LRP6: variants seen among roughly 807,000 people sequenced by gnomAD.
LRP6 encodes the protein LDL receptor related protein 6.
LRP6 carries 43 observed loss-of-function variants against 184.1 expected under a neutral mutation model. That is an observed-to-expected ratio of 0.23 (90% CI 0.18 to 0.30). The LOEUF is 0.30. LRP6 is among the 10% of genes least tolerant of loss of function. The pLI is 1.00. For missense variants in LRP6, 1,571 were observed against 2,005.3 expected, an observed-to-expected ratio of 0.78 and a Z score of 4.14; for synonymous variants, 719 against 684.9, an observed-to-expected ratio of 1.05 and a Z score of -0.78.
chr12:12,174,340 G>C (rs1048049879), intron 7 of LRP6, among the ~76,000 whole-genome samples: 7 of 152,098 alleles, frequency 4.6e-5, no homozygotes, highest in Non-Finnish European at 8.8e-5. Context: ...TCGAACTCCT[G>C]GCCTCCAGTG....
At chr12:12,241,756 T>C (rs972390289) in intron 2 of LRP6, among the ~76,000 whole-genome samples, 1 of 152,206 alleles carries the variant, frequency 6.6e-6, no homozygotes, top group African/African-American at 2.4e-5. Context: ...GAAAGAGTTA[T>C]TCTTCACTGA....
chr12:12,163,126 C>A (rs536643039), intron 9 of LRP6, among the ~76,000 whole-genome samples: 82 of 152,106 alleles, frequency 5.4e-4, no homozygotes, highest in African/African-American at 1.9e-3. Context: ...CAGGTATGCG[C>A]CACCATGACC....
At chr12:12,155,328 G>T in intron 12 of LRP6, 1 of 758,282 alleles carries the variant, frequency 1.3e-6, no homozygotes, top group Admixed American at 1.7e-5. Context: ...TAGAAAGCAT[G>T]GAGTTGTTCC....
chr12:12,202,712 C>T (rs557735367), intron 3 of LRP6, among the ~76,000 whole-genome samples: 121 of 152,252 alleles, frequency 7.9e-4, no homozygotes, highest in African/African-American at 2.3e-3. Context: ...GGCCAAACCC[C>T]GTCCTAGTGT....
chr12:12,164,919 TAAAAAAAAAAAAAAAAAA>T (rs58540250), intron 8 of LRP6, among the ~76,000 whole-genome samples, 142 bp downstream of exon 8: 5 of 57,076 alleles, frequency 8.8e-5, no homozygotes, highest in Non-Finnish European at 1.8e-4. Context: ...CCCTTCTCAG[TAAAAAAAAAAAAAAAAAA>T]AAAAAAAAAA....
intron 2 of LRP6, among the ~76,000 whole-genome samples, chr12:12,225,877 A>G (rs1405289427): frequency 6.6e-6 from 1 of 152,078 alleles, no homozygotes; most frequent in Non-Finnish European, 1.5e-5. Context: ...GTCTCAAAAA[A>G]AAAAAAAAAG....
chr12:12,135,336 G>A (rs374884939), intron 16 of LRP6, 36 bp from the exon 17 acceptor site: 2 of 1,487,466 alleles, frequency 1.3e-6, no homozygotes, highest in Non-Finnish European at 1.9e-6. Context: ...GGAGAGGAGG[G>A]GGAGTGGAGG....
chr12:12,203,410 A>G lies in LRP6; in HGVS notation c.450-10T>C, dbSNP rs1863967402. 2 of 1,596,710 alleles carry G rather than the reference A, an allele frequency of 1.3e-6. No individual in the cohort carries two copies. Among genetic ancestry groups the G allele is most frequent in the Admixed American group, 3.3e-5 (2 of 59,982 alleles). ...TGTCCAGTACATGAACCTAAAAATCATAAAAATAATTAAAGCCATGACAGA... is the reference window on the plus strand; with the variant it reads ...TGTCCAGTACATGAACCTAAAAATCGTAAAAATAATTAAAGCCATGACAGA... On this transcript the variant is annotated splice_polypyrimidine_tract_variant and intron_variant, in intron 2 of 22. Transcript: ENST00000261349.
chr12:12,161,272 CTTT>C (rs3216538), intron 10 of LRP6, among the ~76,000 whole-genome samples: 2 of 147,942 alleles, frequency 1.4e-5, no homozygotes, highest in Non-Finnish European at 3.0e-5. Context: ...CTGTTTACTT[CTTT>C]TTTTTTTTCC....
intron 3 of LRP6, among the ~76,000 whole-genome samples, chr12:12,192,257 TAAAATAATTACCTTTAAAATCCCC>T (rs993290416): frequency 3.6e-4 from 54 of 151,992 alleles, no homozygotes; most frequent in African/African-American, 1.2e-3. Context: ...TTGCAATCCC[TAAAATAATTACCTTTAAAATCCCC>T]AAAATACAGT....
At chr12:12,170,091 T>C (rs1259162417) in intron 7 of LRP6, among the ~76,000 whole-genome samples, 2 of 152,170 alleles carry the variant, frequency 1.3e-5, no homozygotes, top group Non-Finnish European at 2.9e-5. Flanking sequence ...TCCTAGCACT[T>C]TGGGAGTCCA....
chr12:12,215,630 C>T (rs1157736462), intron 2 of LRP6, among the ~76,000 whole-genome samples: 4 of 151,660 alleles, frequency 2.6e-5, no homozygotes, highest in Non-Finnish European at 4.4e-5. Flanking sequence ...GGATTACAGG[C>T]GTGAGCCACC....
At chr12:12,140,554 A>T (rs1949914514) in intron 15 of LRP6, among the ~76,000 whole-genome samples, 1 of 152,144 alleles carries the variant, frequency 6.6e-6, no homozygotes, top group African/African-American at 2.4e-5. Context: ...AACCAGTTCA[A>T]TGAGAAGGAA....
chr12:12,266,059 A>C (rs1040119047), intron 1 of LRP6, among the ~76,000 whole-genome samples: 1 of 152,168 alleles, frequency 6.6e-6, no homozygotes, highest in Non-Finnish European at 1.5e-5. Context: ...GCAATGTTTT[A>C]TTTTATTATG....
chr12:12,181,488 A>ATTTTTTATCTTTATCTTTATC, intron 5 of LRP6, 49 bp from the exon 6 acceptor site: 1 of 869,740 alleles, frequency 1.1e-6, no homozygotes. Flanking sequence ...CAGAGGTAAA[A>ATTTTTTATCTTTATCTTTATC]TTTACCTGCT....
chr12:12,255,437 C>T (rs943870266), intron 1 of LRP6, among the ~76,000 whole-genome samples: 9 of 150,740 alleles, frequency 6.0e-5, no homozygotes, highest in Middle Eastern at 3.4e-3. Context: ...AAAAAAAAGC[C>T]TTTTTCGGTT....
chr12:12,190,426 A>G (rs1428645942), intron 3 of LRP6, among the ~76,000 whole-genome samples: 1 of 151,988 alleles, frequency 6.6e-6, no homozygotes, highest in African/African-American at 2.4e-5. Flanking sequence ...ACTCCCCCCA[A>G]CCTCACTGAA....
chr12:12,260,928 A>G (rs1443555755), intron 1 of LRP6, among the ~76,000 whole-genome samples: 1 of 152,154 alleles, frequency 6.6e-6, no homozygotes, highest in Non-Finnish European at 1.5e-5. Context: ...ACTAAACATT[A>G]TTTTTCCAGT....
chr12:12,141,444 A>G (rs1591878686), intron 15 of LRP6, among the ~76,000 whole-genome samples: 1 of 152,340 alleles, frequency 6.6e-6, no homozygotes, highest in East Asian at 1.9e-4. Flanking sequence ...CATGAAAGCA[A>G]ATTATCAACC....
Sources: allele counts gnomAD v4.1 joint callset (sites outside exome capture counted in the v4.1 genomes callset), GRCh38; gene constraint gnomAD v4.1.1; transcripts MANE v1.5; gene names NCBI Gene and HGNC (gene_info 2026-07-23, HGNC 2026-07-21).